Variants in SMG1 observed in about 807,000 individuals in gnomAD.
SMG1 encodes the protein SMG1 nonsense mediated mRNA decay associated PI3K related kinase.
In SMG1, 22 loss-of-function variants were observed where a neutral mutation model predicts 419.9. That is an observed-to-expected ratio of 0.05 (90% confidence interval 0.04 to 0.07). The LOEUF is 0.07. Among genes scored for constraint, SMG1 ranks in the 10% least tolerant of loss-of-function variants. The pLI, the probability that SMG1 is intolerant of heterozygous loss-of-function variation, is 1.00. For synonymous variants in SMG1, 1,538 were observed against 1,553.5 expected, an observed-to-expected ratio of 0.99 and a Z score of 0.23; for missense variants, 3,185 against 4,342.0, an observed-to-expected ratio of 0.73 and a Z score of 7.49.
At chr16:18,856,092 A>C (rs2034884741) in intron 29 of SMG1, among the ~76,000 whole-genome samples, 1 of 152,120 alleles carries the variant, frequency 6.6e-6, no homozygotes, top group African/African-American at 2.4e-5. Flanking sequence ...CTTAACTCTC[A>C]GCTTAAATGT....
At chr16:18,916,887 A>G (rs2142000958) in intron 1 of SMG1, among the ~76,000 whole-genome samples, 1 of 152,240 alleles carries the variant, frequency 6.6e-6, no homozygotes, top group East Asian at 1.9e-4. Context: ...CGATTAGGAT[A>G]AGGAACAAGA....
chr16:18,877,877 G>T (rs541664320), intron 11 of SMG1: 1 of 152,148 alleles, frequency 6.6e-6, no homozygotes, highest in Non-Finnish European at 1.5e-5. Context: ...AAAAAGAGGT[G>T]TAATTCTGGC....
intron 44 of SMG1, 53 bp downstream of exon 44, chr16:18,838,304 A>G: frequency 6.2e-7 from 1 of 1,607,822 alleles, no homozygotes; most frequent in Non-Finnish European, 8.5e-7. Flanking sequence ...TTCATTCCAC[A>G]GGTTTTGCTC....
chr16:18,859,697 T>A lies in SMG1; in HGVS notation c.3812A>T (p.Lys1271Ile). The A allele has an allele frequency of 1.2e-6, 2 of 1,600,032 alleles. No individual in the cohort carries two copies. Among genetic ancestry groups the A allele is most frequent in the Non-Finnish European group, 1.7e-6 (2 of 1,173,292 alleles). The change falls in exon 27 of 63, where the codon AAA becomes ATA. Residue 1271 changes from lysine (K) to isoleucine (I), a missense_variant. This residue lies in a region of SMG1 where 120 missense variants were observed against 193.3 expected (regional missense o/e 0.62). Transcript: ENST00000446231. Reference sequence around the variant, plus strand: ...ACTTAACATGTTAGGAAGCAGTTTTTTCATGTCTACCAAAGTTAAATAAAA... The same window carrying A: ...ACTTAACATGTTAGGAAGCAGTTTTATCATGTCTACCAAAGTTAAATAAAA... ...AGGSKEKIDM[K>I]KLLPNMLSPD...
Position 18,868,217 on chromosome 16 carries a change from T to C in SMG1, c.3168A>G (p.Thr1056=). ...GAGATAGGCTGGTTGTTTTCATCTCTGTAAGCAAGTCAAAGCCATGTCTCA... is the reference window on the plus strand; with the variant it reads ...GAGATAGGCTGGTTGTTTTCATCTCCGTAAGCAAGTCAAAGCCATGTCTCA... ...VTVRHGFDLL[T]EMKTTSLSQG... is the part of the protein sequence containing the mutation. The change falls in exon 22 of 63, where the codon ACA becomes ACG. Residue 1056 remains threonine, a synonymous_variant. Transcript: ENST00000446231. The C allele has an allele frequency of 5.1e-6, 8 of 1,571,598 alleles. No individual in the cohort carries two copies. The South Asian group carries it at 6.9e-5, about 14-fold the overall frequency.
At chr16:18,812,435 T>C (rs986204746) in intron 60 of SMG1, among the ~76,000 whole-genome samples, 2 of 152,032 alleles carry the variant, frequency 1.3e-5, no homozygotes, top group South Asian at 2.1e-4. Context: ...GCGGATCAGT[T>C]GAGGTCAGGA....
At chr16:18,909,213 A>G (rs2037699703) in intron 1 of SMG1, among the ~76,000 whole-genome samples, 1 of 150,988 alleles carries the variant, frequency 6.6e-6, no homozygotes, top group African/African-American at 2.4e-5. Context: ...GTGGTGGTGC[A>G]TGCCTGTAAT....
Position 18,865,662 on chromosome 16 carries a change from A to ATT in SMG1, c.3350+957_3350+958dup, listed in dbSNP as rs578185182. ...ACACTGTAGAATATTTAACATGGCA[A>ATT]TTTTTTTTTTTTTTTTGGAGACAGA... On this transcript the variant is annotated intron_variant, in intron 23 of 62. Coordinates refer to ENST00000446231, the MANE Select transcript of SMG1 (RefSeq NM_015092.5). 7.3e-3 allele frequency among the ~76,000 whole-genome samples: 1,051 copies of ATT among 143,144 alleles called. 10 individuals are homozygous for ATT. Among genetic ancestry groups the ATT allele is most frequent in the African/African-American group, 0.025 (968 of 39,128 alleles). The allele number at this position is 143,144 out of a possible 152,430, so 93.9% of individuals were successfully genotyped here.
intron 13 of SMG1, 133 bp downstream of exon 13, chr16:18,875,991 A>T: frequency 1.1e-6 from 1 of 898,628 alleles, no homozygotes; most frequent in East Asian, 2.4e-5. Flanking sequence ...TTATCCAGGC[A>T]TGTCTTAAAT....
chr16:18,812,232 A>T, intron 60 of SMG1, 105 bp from the exon 61 acceptor site: 1 of 1,042,516 alleles, frequency 9.6e-7, no homozygotes, highest in South Asian at 1.6e-5. Context: ...CCCCAATTAA[A>T]TAATCAACTA....
rs776417078 is a variant in SMG1 at position 18,830,351 on chromosome 16, G to A, written c.8811C>T (p.Tyr2937=). Residue 2937 remains tyrosine, a synonymous_variant, in exon 52 of 63, where the codon TAC becomes TAT. Coordinates refer to ENST00000446231, the MANE Select transcript of SMG1 (RefSeq NM_015092.5). ...CATTTCTCGGTTGGATTAATTCACCGTACTGAGCATGTAGTAGTCTACAGA... is the reference window on the plus strand; with the variant it reads ...CATTTCTCGGTTGGATTAATTCACCATACTGAGCATGTAGTAGTCTACAGA... The part of the protein sequence containing the change: ...IDVARLLHAQ[Y]GELIQPRNGS... The A allele has an allele frequency of 2.5e-5, 40 of 1,613,772 alleles. No homozygotes were observed. The highest frequency in any genetic ancestry group is 1.9e-4 in the South Asian group (17 of 91,082).
At chr16:18,865,386 A>G (rs115883605) in intron 23 of SMG1, among the ~76,000 whole-genome samples, 58 of 152,330 alleles carry the variant, frequency 3.8e-4, no homozygotes, top group African/African-American at 1.4e-3. Flanking sequence ...TTAAGGGTAT[A>G]AACTGCAGCC....
chr16:18,920,290 G>T (rs1201111858), intron 1 of SMG1, among the ~76,000 whole-genome samples: 2 of 150,898 alleles, frequency 1.3e-5, no homozygotes, highest in African/African-American at 2.4e-5. Context: ...GCTGAGACAG[G>T]AAAATCGCTT....
At chr16:18,895,501 C>CAA (rs34296177) in intron 3 of SMG1, among the ~76,000 whole-genome samples, 21 of 141,970 alleles carry the variant, frequency 1.5e-4, no homozygotes, top group African/African-American at 2.3e-4. Flanking sequence ...AAAACAACAA[C>CAA]AAAAAAAAAA....
chr16:18,871,641 A>C (rs56060412), intron 15 of SMG1, among the ~76,000 whole-genome samples, 159 bp from the exon 16 acceptor site: 5,862 of 152,298 alleles, frequency 0.038, 185 homozygotes, highest in Non-Finnish European at 0.061. Context: ...AATTACTGTC[A>C]AAATTGTTGT....
chr16:18,845,570 A>C lies in SMG1; in HGVS notation c.6078T>G (p.Ser2026Arg). ...PIVFALEHVR[S>R]ITAAPAETPH... ...GTGTTTCTGCAGGAGCCGCTGTGAT[A>C]CTCCTCACATGCTCCAAAGCAAATA... The change falls in exon 39 of 63, where the codon AGT (serine) becomes AGG (arginine). Residue 2026 changes from serine to arginine, a missense_variant. Coordinates refer to ENST00000446231, the MANE Select transcript of SMG1 (RefSeq NM_015092.5). The C allele has an allele frequency of 1.9e-6, 3 of 1,613,638 alleles. No individual in the cohort carries two copies. The highest frequency in any genetic ancestry group is 2.5e-6 in the Non-Finnish European group (3 of 1,179,828).
chr16:18,834,315 C>A lies in SMG1; in HGVS notation c.8454G>T (p.Leu2818Phe). ...LCSMSGNVTC[L>F]VQLLKQCHLV... Reference sequence around the variant, plus strand: ...GGTGGCACTGCTTCAGTAACTGAACCAAGCAGGTGACGTTTCCGCTCATAC... The same window carrying A: ...GGTGGCACTGCTTCAGTAACTGAACAAAGCAGGTGACGTTTCCGCTCATAC... Residue 2818 changes from leucine (L) to phenylalanine (F), a missense_variant, in exon 50 of 63, where the codon TTG (leucine) becomes TTT (phenylalanine). Leu to Phe is a conservative substitution (Grantham distance 22). Around this residue, in one of 27 missense-constraint regions of SMG1, gnomAD observed 412 missense variants for 546.6 expected, o/e 0.75. Transcript: ENST00000446231. 1.2e-6 allele frequency: 2 copies of A among 1,613,100 alleles called. No homozygotes were observed. Among genetic ancestry groups the A allele is most frequent in the Non-Finnish European group, 8.5e-7 (1 of 1,179,560 alleles).
At position 18,807,578 on chromosome 16, in the gene SMG1, T is replaced by C. The variant is rs2030954039; in HGVS notation, c.*1991A>G. ...AAAGCACTGATACTGAAACACATTC[T>C]TTCATGGGTACTTAACGATTACAGA... On this transcript the variant is annotated 3_prime_UTR_variant, in exon 63 of 63. Transcript: ENST00000446231. 1 of 152,172 alleles carries C rather than the reference T, an allele frequency of 6.6e-6. No homozygotes were observed. The highest frequency in any genetic ancestry group is 1.9e-4 in the East Asian group (1 of 5,194). 9.4% of individuals were successfully genotyped at this position (152,172 alleles called of 1,614,324 possible).
chr16:18,845,701 T>C (rs1328689957), intron 38 of SMG1, 50 bp from the exon 39 acceptor site: 1 of 1,408,014 alleles, frequency 7.1e-7, no homozygotes, highest in Non-Finnish European at 9.9e-7. Context: ...TACATTAAAG[T>C]TTTACACAAA....
Sources: gnomAD v4.1 joint callset for allele counts (sites outside exome capture counted in the v4.1 genomes callset) on GRCh38, gnomAD v4.1.1 for gene constraint, gnomAD v4.1.1 regional missense constraint, MANE v1.5 for transcripts, NCBI Gene and HGNC (gene_info 2026-07-23, HGNC 2026-07-21) for gene names.